EFCAB6: variants seen among roughly 807,000 people sequenced by gnomAD.
The protein encoded by EFCAB6 is EF-hand calcium-binding domain-containing protein 6.
In EFCAB6, 156 loss-of-function variants were observed where a neutral mutation model predicts 169.8. The ratio of observed to expected loss-of-function variants is 0.92; its 90% CI spans 0.81 to 1.05. The LOEUF is 1.05. EFCAB6 is among the 50% of genes least tolerant of loss of function. The probability of loss-of-function intolerance (pLI) is 0.00; values close to 1 mark genes in which losing one functional copy is unlikely to be tolerated. For synonymous variants in EFCAB6, 698 were observed against 676.4 expected (o/e 1.03, Z -0.50); for missense variants, 1,800 against 1,829.1 (o/e 0.98, Z 0.29).
intron 13 of EFCAB6, among the ~76,000 whole-genome samples, chr22:43,674,582 T>A (rs1423886580): frequency 6.6e-6 from 1 of 152,130 alleles, no homozygotes; most frequent in Non-Finnish European, 1.5e-5. Context: ...AGAAAGCCAC[T>A]GGAAAGGTGA....
At chr22:43,789,203 T>C (rs1370749510) in intron 2 of EFCAB6, among the ~76,000 whole-genome samples, 1 of 152,180 alleles carries the variant, frequency 6.6e-6, no homozygotes. Flanking sequence ...TGGTGATAGT[T>C]GCACAACTTT....
chr22:43,760,237 G>T (rs549813423), intron 5 of EFCAB6, among the ~76,000 whole-genome samples: 6 of 146,698 alleles, frequency 4.1e-5, no homozygotes, highest in Admixed American at 2.1e-4. Flanking sequence ...GAAAAAAAAA[G>T]AAAACAAATA....
intron 6 of EFCAB6, among the ~76,000 whole-genome samples, chr22:43,753,896 A>G (rs2060861667): frequency 6.6e-6 from 1 of 152,224 alleles, no homozygotes; most frequent in Admixed American, 6.5e-5. Context: ...TAAAATAATT[A>G]GCATTCTTTC....
intron 1 of EFCAB6, 145 bp downstream of exon 1, chr22:43,812,023 G>C (rs1045630415): frequency 2.7e-5 from 4 of 149,548 alleles, no homozygotes; most frequent in Non-Finnish European, 5.9e-5. Flanking sequence ...ATGAACACCT[G>C]AATAAACGAA....
chr22:43,772,801 GGGGA>G lies in EFCAB6; in HGVS notation c.351+87_351+90del, dbSNP rs1300663134. 28 of 1,407,616 alleles carry G rather than the reference GGGGA, an allele frequency of 2.0e-5. No individual in the cohort carries two copies. The African/African-American group carries it at 2.7e-4, about 14-fold the overall frequency. The allele number at this position is 1,407,616 out of a possible 1,614,324, so 87.2% of individuals were successfully genotyped here. A position where few individuals can be genotyped will look rare whatever the true frequency, so the allele number is the denominator to read the frequency against. ...ACTTCAACTGCTCAGTGGCAACAGT[GGGGA>G]CAAAGACAGGAGAGGTTACCTGCTC... On this transcript the variant is annotated intron_variant, in intron 4 of 31. Transcript: ENST00000262726.
intron 2 of EFCAB6, among the ~76,000 whole-genome samples, chr22:43,802,958 G>GA (rs938814093): frequency 6.6e-6 from 1 of 152,146 alleles, no homozygotes; most frequent in Non-Finnish European, 1.5e-5. Context: ...GACTGATGTG[G>GA]AAAAAACACC....
Position 43,744,233 on chromosome 22 carries a change from G to C in EFCAB6, c.508-8240C>G, listed in dbSNP as rs1213128712. Among the ~76,000 whole-genome samples, 1 of 151,894 alleles carries C rather than the reference G, an allele frequency of 6.6e-6. No homozygotes were observed. The highest frequency in any genetic ancestry group is 1.5e-5 in the Non-Finnish European group (1 of 67,952). ...GAAGGGCTATGGACAGATGGATGTGGGGATGGATGATGAAGGATGGATGGG... is the reference window on the plus strand; with the variant it reads ...GAAGGGCTATGGACAGATGGATGTGCGGATGGATGATGAAGGATGGATGGG... On this transcript the variant is annotated intron_variant, in intron 6 of 31. Transcript: ENST00000262726. The surrounding 1 kb of genome is among the most constrained non-coding windows in gnomAD (Gnocchi z 4.3).
At chr22:43,614,947 T>A (rs573578056) in intron 21 of EFCAB6, among the ~76,000 whole-genome samples, 2 of 152,216 alleles carry the variant, frequency 1.3e-5, no homozygotes, top group South Asian at 4.2e-4. Context: ...GCACAGACAG[T>A]CCACTCTATG....
At position 43,665,635 on chromosome 22, in the gene EFCAB6, G is replaced by A. The variant is rs112280674; in HGVS notation, c.1983+1469C>T. Among the ~76,000 whole-genome samples the A allele has an allele frequency of 1.1e-3, 162 of 152,284 alleles. 1 individual carries two copies. The highest frequency in any genetic ancestry group is 2.9e-3 in the African/African-American group (121 of 41,570). The stretch of plus-strand genomic sequence containing the variant: ...GATGGATGGAGTCAGATTGGCACTC[G>A]TTTAGTTTTCAGCCCCTGAAATTCA... On this transcript the variant is annotated intron_variant, in intron 17 of 31. Transcript: ENST00000262726.
At chr22:43,704,596 T>C (rs1469403465) in intron 10 of EFCAB6, among the ~76,000 whole-genome samples, 1 of 152,140 alleles carries the variant, frequency 6.6e-6, no homozygotes, top group East Asian at 1.9e-4. Flanking sequence ...ATATATAAGA[T>C]TATGTAAATT....
chr22:43,612,866 C>T (rs904512572), intron 21 of EFCAB6, among the ~76,000 whole-genome samples: 2 of 150,872 alleles, frequency 1.3e-5, no homozygotes, highest in Non-Finnish European at 2.9e-5. Flanking sequence ...TGCACTCCAG[C>T]CTGGCAGACA....
At chr22:43,666,282 C>A (rs1473629342) in intron 17 of EFCAB6, among the ~76,000 whole-genome samples, 1 of 152,286 alleles carries the variant, frequency 6.6e-6, no homozygotes, top group South Asian at 2.1e-4. Flanking sequence ...CATTTCTGTG[C>A]CTCTAGCCCT....
At chr22:43,687,445 T>TTA in intron 11 of EFCAB6, 26 bp downstream of exon 11, 2 of 1,214,666 alleles carry the variant, frequency 1.6e-6, no homozygotes, top group Non-Finnish European at 2.2e-6. Flanking sequence ...TAACTAAAAT[T>TTA]TGTTTTTTTT....
At chr22:43,803,905 G>T (rs1017855264) in intron 2 of EFCAB6, among the ~76,000 whole-genome samples, 20 of 152,116 alleles carry the variant, frequency 1.3e-4, no homozygotes, top group African/African-American at 4.3e-4. Context: ...TAGAGATGGG[G>T]TCTTGCTGTA....
chr22:43,626,556 G>A lies in EFCAB6; in HGVS notation c.2356C>T (p.Leu786Phe), dbSNP rs763970894. 12 of 1,614,068 alleles carry A rather than the reference G, an allele frequency of 7.4e-6. No homozygotes were observed. In the South Asian group the frequency reaches 1.1e-4, roughly 15 times the overall value. Residue 786 changes from leucine to phenylalanine, a missense_variant, in exon 20 of 32, where the codon CTT (leucine) becomes TTT (phenylalanine). Physicochemically the swap from Leu to Phe is conservative, Grantham distance 22. Transcript: ENST00000262726. The stretch of plus-strand genomic sequence containing the variant: ...CTAAGTCTCAAGCCAAGAAGGCCAA[G>A]GAAGCGCTCAAACTCGTCGTCTTTG... ...NLKDDEFERF[L>F]GLLGLRLSVT...
chr22:43,563,580 C>A (rs2049218611), intron 26 of EFCAB6, among the ~76,000 whole-genome samples: 2 of 152,114 alleles, frequency 1.3e-5, no homozygotes, highest in Admixed American at 1.3e-4. Context: ...AAAAACAAAA[C>A]CAAAAACAAA....
intron 6 of EFCAB6, among the ~76,000 whole-genome samples, chr22:43,737,275 C>T (rs180988276): frequency 1.2e-4 from 18 of 152,176 alleles, no homozygotes; most frequent in Admixed American, 1.1e-3. Flanking sequence ...TACATCATCA[C>T]TGTCACACAC....
intron 5 of EFCAB6, among the ~76,000 whole-genome samples, chr22:43,760,520 T>C (rs967889175): frequency 3.9e-5 from 6 of 152,250 alleles, no homozygotes; most frequent in Non-Finnish European, 7.3e-5. Flanking sequence ...TTTCCAAATA[T>C]GACTTCTGCC....
chr22:43,715,274 G>A (rs2059293567), intron 9 of EFCAB6, among the ~76,000 whole-genome samples: 1 of 152,150 alleles, frequency 6.6e-6, no homozygotes, highest in African/African-American at 2.4e-5. Flanking sequence ...GGCAGGGACT[G>A]GATAAGCCTG....
Sources: allele counts gnomAD v4.1 joint callset (sites outside exome capture counted in the v4.1 genomes callset), GRCh38; gene constraint gnomAD v4.1.1; non-coding constraint Gnocchi (gnomAD v3.1); transcripts MANE v1.5; gene names NCBI Gene and HGNC (gene_info 2026-07-23, HGNC 2026-07-21).